Variants in ERN1 observed in about 807,000 individuals in gnomAD.
ERN1 encodes the protein serine/threonine-protein kinase/endoribonuclease IRE1.
Under a neutral mutation model 113.1 loss-of-function variants are expected in ERN1, and 39 were observed. The observed-to-expected ratio is 0.34, with a 90% CI of 0.27 to 0.45. ERN1 has a LOEUF of 0.45. ERN1 is among the 20% of genes least tolerant of loss of function. The probability of loss-of-function intolerance (pLI) is 1.00; values close to 1 mark genes in which losing one functional copy is unlikely to be tolerated. For synonymous variants in ERN1, 507 were observed against 515.9 expected (o/e 0.98, Z 0.23); for missense variants, 976 against 1,274.8 (o/e 0.77, Z 3.57).
chr17:64,108,810 T>C (rs984906269), intron 1 of ERN1, among the ~76,000 whole-genome samples: 15 of 152,310 alleles, frequency 9.8e-5, no homozygotes, highest in Middle Eastern at 3.4e-3. Flanking sequence ...TGTCTACTCA[T>C]ATGCAGTTAA....
intron 1 of ERN1, among the ~76,000 whole-genome samples, chr17:64,100,290 G>C (rs1306293191): frequency 6.6e-6 from 1 of 152,132 alleles, no homozygotes. Context: ...GGGATGGCTG[G>C]ATTATGTTAG....
At chr17:64,091,806 A>G (rs1914097409) in intron 2 of ERN1, among the ~76,000 whole-genome samples, 1 of 152,118 alleles carries the variant, frequency 6.6e-6, no homozygotes, top group Admixed American at 6.5e-5. Context: ...GGCCTTGCAC[A>G]TGCACTAAGG....
chr17:64,073,335 A>ATTT (rs201213734), intron 5 of ERN1, among the ~76,000 whole-genome samples: 1 of 135,092 alleles, frequency 7.4e-6, no homozygotes, highest in African/African-American at 2.9e-5. Context: ...CACCCAGCAA[A>ATTT]TTTTTTTTTT....
At chr17:64,059,839 T>C (rs1448157641) in intron 11 of ERN1, among the ~76,000 whole-genome samples, 1 of 139,344 alleles carries the variant, frequency 7.2e-6, no homozygotes, top group Non-Finnish European at 1.5e-5. Context: ...TCTCATCACT[T>C]CTTCAACAAT....
At chr17:64,075,376 T>G in intron 4 of ERN1, 129 bp from the exon 5 acceptor site, 1 of 747,946 alleles carries the variant, frequency 1.3e-6, no homozygotes, top group Non-Finnish European at 2.1e-6. Context: ...AGATGAGAGT[T>G]TTCCTAACTG....
intron 1 of ERN1, among the ~76,000 whole-genome samples, chr17:64,124,264 G>A (rs1314181439): frequency 6.6e-6 from 1 of 152,168 alleles, no homozygotes; most frequent in East Asian, 1.9e-4. Flanking sequence ...ATATGCCCAA[G>A]AAGAGTGAAA....
intron 1 of ERN1, chr17:64,098,708 T>C: frequency 2.6e-6 from 1 of 389,068 alleles, no homozygotes; most frequent in South Asian, 1.9e-5. Context: ...AAAACAGCTT[T>C]CATTATACAA....
At chr17:64,120,735 T>A (rs1194007620) in intron 1 of ERN1, among the ~76,000 whole-genome samples, 8 of 152,136 alleles carry the variant, frequency 5.3e-5, no homozygotes, top group Non-Finnish European at 1.2e-4. Flanking sequence ...CACTACACAC[T>A]ATGGGTCACG....
At position 64,049,190 on chromosome 17, in the gene ERN1, C is replaced by A; in HGVS notation, c.2266G>T (p.Asp756Tyr). 6.3e-7 allele frequency: 1 copy of A among 1,594,404 alleles called. No individual in the cohort carries two copies. The highest frequency in any genetic ancestry group is 8.6e-7 in the Non-Finnish European group (1 of 1,165,368). The stretch of plus-strand genomic sequence containing the variant: ...AAGACGCAGCCTGCAGAAAAGATGT[C>A]CACCGTGTAGGTCTGAAAAGAGACA... ...DCKENPTYTV[D>Y]IFSAGCVFYY... The change falls in exon 18 of 22, where the codon GAC becomes TAC. Residue 756 changes from aspartate to tyrosine, a missense_variant. By Grantham distance (160) the Asp-to-Tyr change is radical. This residue lies in a region of ERN1 where 297 missense variants were observed against 457.8 expected (regional missense o/e 0.65). Coordinates refer to ENST00000433197, the MANE Select transcript of ERN1 (RefSeq NM_001433.5). The surrounding 1 kb of genome is among the most constrained non-coding windows in gnomAD (Gnocchi z 4.7).
At chr17:64,101,393 G>C (rs1422263548) in intron 1 of ERN1, among the ~76,000 whole-genome samples, 2 of 151,956 alleles carry the variant, frequency 1.3e-5, no homozygotes, top group African/African-American at 2.4e-5. Flanking sequence ...CTGGGGGATA[G>C]AGCGAGGCTC....
intron 19 of ERN1, among the ~76,000 whole-genome samples, chr17:64,047,517 A>G (rs1912549088): frequency 6.6e-6 from 1 of 152,224 alleles, no homozygotes; most frequent in Non-Finnish European, 1.5e-5. Flanking sequence ...TATAGCATTT[A>G]AACATTTATG....
In ERN1 at chr17:64,045,417, G is replaced by A. The variant is rs775100970; in HGVS notation, c.2595C>T (p.Gly865=). The change falls in exon 20 of 22, where the codon GGC becomes GGT. Residue 865 remains glycine, a synonymous_variant. Transcript: ENST00000433197. Reference sequence around the variant, plus strand: ...AGTCCATCTTCACCACGGCTCTCCCGCCTCTCTCTAACTGCTTCACGATCG... The same window carrying A: ...AGTCCATCTTCACCACGGCTCTCCCACCTCTCTCTAACTGCTTCACGATCG... The part of the protein sequence containing the change: ...DGPIVKQLER[G]GRAVVKMDWR... 33 of 1,613,772 alleles carry A rather than the reference G, an allele frequency of 2.0e-5. No homozygotes were observed. The highest frequency in any genetic ancestry group is 8.8e-5 in the South Asian group (8 of 91,080).
At chr17:64,129,395 TAC>T (rs1010970104) in intron 1 of ERN1, 4 of 158,892 alleles carry the variant, frequency 2.5e-5, no homozygotes, top group African/African-American at 7.2e-5. Flanking sequence ...AGCCTCCCAG[TAC>T]CAAGAAACCG....
In ERN1 at chr17:64,093,656, C is replaced by T. The variant is rs936629520; in HGVS notation, c.175+4465G>A. Among the ~76,000 whole-genome samples, 7 of 152,284 alleles carry T rather than the reference C, an allele frequency of 4.6e-5. No individual in the cohort carries two copies. In the East Asian group the frequency reaches 1.4e-3, roughly 29 times the overall value. ...TGGTCTCTCCCTTCTCATAAGGACACTCATCCATCCTAAGGGCCCCATCTT... is the reference window on the plus strand; with the variant it reads ...TGGTCTCTCCCTTCTCATAAGGACATTCATCCATCCTAAGGGCCCCATCTT... On this transcript the variant is annotated intron_variant, in intron 2 of 21. Coordinates refer to ENST00000433197, the MANE Select transcript of ERN1 (RefSeq NM_001433.5).
intron 1 of ERN1, among the ~76,000 whole-genome samples, chr17:64,110,574 G>A (rs1174135334): frequency 2.0e-5 from 3 of 152,138 alleles, no homozygotes; most frequent in African/African-American, 7.2e-5. Flanking sequence ...GCGCATTACT[G>A]ATCAGCACAG....
intron 5 of ERN1, among the ~76,000 whole-genome samples, 161 bp from the exon 6 acceptor site, chr17:64,072,264 A>G (rs183295566): frequency 1.9e-3 from 286 of 152,368 alleles, no homozygotes; most frequent in Non-Finnish European, 2.9e-3. Flanking sequence ...AGATAATAAA[A>G]CTTCTTAGGT....
chr17:64,106,981 C>T (rs1365990993), intron 1 of ERN1, among the ~76,000 whole-genome samples: 1 of 152,178 alleles, frequency 6.6e-6, no homozygotes, highest in East Asian at 1.9e-4. Flanking sequence ...GCAATATTAT[C>T]TGTCTCAGAC....
At chr17:64,117,464 AAAAG>A (rs985403176) in intron 1 of ERN1, among the ~76,000 whole-genome samples, 2 of 152,148 alleles carry the variant, frequency 1.3e-5, no homozygotes, top group Non-Finnish European at 2.9e-5. Context: ...AAGAAAAAGA[AAAAG>A]AAAAGAAAAA....
At chr17:64,056,558 G>A (rs548991657) in intron 12 of ERN1, among the ~76,000 whole-genome samples, 3 of 152,292 alleles carry the variant, frequency 2.0e-5, no homozygotes, top group Middle Eastern at 6.8e-3. Context: ...TGCCTTCCCC[G>A]AGGCCACATG....
Sources: allele counts gnomAD v4.1 joint callset (sites outside exome capture counted in the v4.1 genomes callset), GRCh38; gene constraint gnomAD v4.1.1; regional missense constraint gnomAD v4.1.1; non-coding constraint Gnocchi (gnomAD v3.1); transcripts MANE v1.5; gene names NCBI Gene and HGNC (gene_info 2026-07-23, HGNC 2026-07-21).